The following PANX2 variants were observed in gnomAD, a reference collection of about 807,000 sequenced individuals.
PANX2 encodes pannexin-2.
A neutral mutation model predicts 38.7 loss-of-function variants in PANX2; 30 were observed. The ratio of observed to expected loss-of-function variants is 0.78; its 90% CI spans 0.58 to 1.05. The LOEUF is 1.05. Ranked by LOEUF, PANX2 falls within the 50% of genes least tolerant of loss-of-function variation. The probability of loss-of-function intolerance (pLI) is 0.00; values close to 1 mark genes in which losing one functional copy is unlikely to be tolerated. For synonymous variants in PANX2, 539 were observed against 472.1 expected (o/e 1.14, Z -1.84); for missense variants, 880 against 979.3 (o/e 0.90, Z 1.35).
chr22:50,178,656 G>A (rs1404213733), intron 2 of PANX2, among the ~76,000 whole-genome samples: 1 of 152,212 alleles, frequency 6.6e-6, no homozygotes, highest in Non-Finnish European at 1.5e-5. Context: ...ATGCAGGCTG[G>A]AAGCGACGTG....
intron 1 of PANX2, among the ~76,000 whole-genome samples, chr22:50,171,336 G>A (rs1445523544): frequency 6.6e-6 from 1 of 152,188 alleles, no homozygotes; most frequent in East Asian, 1.9e-4. Flanking sequence ...GATGGGTGTT[G>A]ACAGCAGAGA....
Position 50,178,342 on chromosome 22 carries a change from G to T in PANX2, c.1630G>T (p.Gly544Trp), listed in dbSNP as rs555308306. 5 of 1,498,570 alleles carry T rather than the reference G, an allele frequency of 3.3e-6. No homozygotes were observed. Among genetic ancestry groups the T allele is most frequent in the Middle Eastern group, 2.2e-4 (1 of 4,456 alleles). 92.8% of individuals were successfully genotyped at this position (1,498,570 alleles called of 1,614,324 possible). A position where few individuals can be genotyped will look rare whatever the true frequency, so the allele number is the denominator to read the frequency against. ...AALPASRSQE[G>W]GFLSQAEDCG... Reference sequence around the variant, plus strand: ...CCTGCCCGCCTCCCGGAGCCAGGAGGGGGGCTTCCTGTCCCAGGCGGAGGA... The same window carrying T: ...CCTGCCCGCCTCCCGGAGCCAGGAGTGGGGCTTCCTGTCCCAGGCGGAGGA... Residue 544 changes from glycine to tryptophan, a missense_variant, in exon 2 of 3, where the codon GGG becomes TGG. Gly to Trp is a radical substitution (Grantham distance 184). Around this residue, in one of 4 missense-constraint regions of PANX2, gnomAD observed 445 missense variants for 404.3 expected, o/e 1.10. Transcript: ENST00000395842.
In PANX2 at chr22:50,179,139, C is replaced by G. The variant is rs761654434; in HGVS notation, c.1896C>G (p.Tyr632Ter). Residue 632 changes from tyrosine (Y) to a stop codon, truncating the protein, a stop_gained, in exon 3 of 3, where the codon TAC (tyrosine) becomes TAG (stop). Coordinates refer to ENST00000395842, the MANE Select transcript of PANX2 (RefSeq NM_052839.4). LOFTEE classifies it high-confidence loss of function. ...THPLLHINTLYEAREEEDGGP... is the reference protein window; with the variant it reads ...THPLLHINTL ...CGCTGCTGCACATCAACACGCTGTA[C>G]GAGGCCCGGGAGGAGGAGGACGGGG... 19 of 1,611,940 alleles carry G rather than the reference C, an allele frequency of 1.2e-5. No individual in the cohort carries two copies. Among genetic ancestry groups the G allele is most frequent in the East Asian group, 2.2e-5 (1 of 44,858 alleles).
chr22:50,171,360 G>T (rs1012797097), intron 1 of PANX2, among the ~76,000 whole-genome samples: 1 of 152,192 alleles, frequency 6.6e-6, no homozygotes, highest in Non-Finnish European at 1.5e-5. Context: ...GATTACAGGG[G>T]CTGGTGGAGC....
chr22:50,178,440 G>A (rs2063678420), intron 2 of PANX2, 38 bp downstream of exon 2: 2 of 1,309,280 alleles, frequency 1.5e-6, no homozygotes, highest in Non-Finnish European at 2.0e-6. Context: ...GGGGGACTGG[G>A]GGTGGGAGAG....
chr22:50,171,016 A>C, intron 1 of PANX2, 60 bp downstream of exon 1: 1 of 902,362 alleles, frequency 1.1e-6, no homozygotes, highest in Non-Finnish European at 1.6e-6. Context: ...GGTGTCCGGG[A>C]GCTGGCGCTT....
intron 1 of PANX2, among the ~76,000 whole-genome samples, chr22:50,172,194 G>C (rs2063636099): frequency 6.6e-6 from 1 of 152,220 alleles, no homozygotes; most frequent in Admixed American, 6.5e-5. Context: ...TAGCAACCAA[G>C]TACCGCAAAC....
At chr22:50,173,597 A>T (rs1194563286) in intron 1 of PANX2, among the ~76,000 whole-genome samples, 1 of 152,140 alleles carries the variant, frequency 6.6e-6, no homozygotes, top group Non-Finnish European at 1.5e-5. Context: ...GCCTGCAGAG[A>T]GTGGAGAATG....
Position 50,177,101 on chromosome 22 carries a change from C to A in PANX2, c.389C>A (p.Ala130Asp). ...AAGTTCCTGCCCTACGCGCTGCTGG[C>A]CTTCGCCGCCATCATGTACGTGCCC... ...EHKFLPYALL[A>D]FAAIMYVPAL... The change falls in exon 2 of 3, where the codon GCC becomes GAC. Residue 130 changes from alanine (A) to aspartate (D), a missense_variant. Coordinates refer to ENST00000395842, the MANE Select transcript of PANX2 (RefSeq NM_052839.4). 1 of 1,610,520 alleles carries A rather than the reference C, an allele frequency of 6.2e-7. No individual in the cohort carries two copies. The highest frequency in any genetic ancestry group is 8.5e-7 in the Non-Finnish European group (1 of 1,178,880).
chr22:50,173,098 A>G (rs189407024), intron 1 of PANX2, among the ~76,000 whole-genome samples: 87 of 152,118 alleles, frequency 5.7e-4, no homozygotes, highest in African/African-American at 1.2e-3. Flanking sequence ...GGGTTTTGCC[A>G]TGTTGGCCAG....
chr22:50,179,179 C>G lies in PANX2; in HGVS notation c.1936C>G (p.Gln646Glu). The G allele has an allele frequency of 6.2e-7, 1 of 1,612,640 alleles. No individual in the cohort carries two copies. Among genetic ancestry groups the G allele is most frequent in the Non-Finnish European group, 8.5e-7 (1 of 1,179,890 alleles). ...EEEDGGPRLP[Q>E]DVGDLIAIPA... ...GGAGGACGGGGGCCCCCGCCTGCCGCAGGACGTGGGGGACCTCATCGCCAT... is the reference window on the plus strand; with the variant it reads ...GGAGGACGGGGGCCCCCGCCTGCCGGAGGACGTGGGGGACCTCATCGCCAT... Residue 646 changes from glutamine to glutamate, a missense_variant, in exon 3 of 3, where the codon CAG becomes GAG. By Grantham distance (29) the Gln-to-Glu change is conservative. Around this residue, in one of 4 missense-constraint regions of PANX2, gnomAD observed 445 missense variants for 404.3 expected, o/e 1.10. Coordinates refer to ENST00000395842, the MANE Select transcript of PANX2 (RefSeq NM_052839.4).
chr22:50,178,981 C>G lies in PANX2; in HGVS notation c.1738C>G (p.Arg580Gly), dbSNP rs201587270. 57 of 1,606,048 alleles carry G rather than the reference C, an allele frequency of 3.5e-5. No homozygotes were observed. Among genetic ancestry groups the G allele is most frequent in the Non-Finnish European group, 4.3e-5 (51 of 1,175,920 alleles). Residue 580 changes from arginine to glycine, a missense_variant, in exon 3 of 3, where the codon CGG becomes GGG. Arg to Gly is a moderately radical substitution (Grantham distance 125). Transcript: ENST00000395842. Reference protein sequence around the residue: ...KEIPYPTEPARAGLPSGGPFH... With the variant: ...KEIPYPTEPAGAGLPSGGPFH... ...AATCCCGTACCCCACAGAGCCAGCC[C>G]GGGCAGGGCTTCCCTCGGGGGGCCC...
In PANX2 at chr22:50,179,876, G is replaced by A. The variant is rs572763340; in HGVS notation, c.*599G>A. 33 of 155,440 alleles carry A rather than the reference G, an allele frequency of 2.1e-4. 1 individual carries two copies. Among genetic ancestry groups the A allele is most frequent in the East Asian group, 3.8e-4 (2 of 5,196 alleles). 9.6% of individuals were successfully genotyped at this position (155,440 alleles called of 1,614,324 possible). ...TTTATTTTACTAAGACTGCTGTACC[G>A]AACAAGCATATTTATCATCAGGAGA... On this transcript the variant is annotated 3_prime_UTR_variant, in exon 3 of 3. Transcript: ENST00000395842.
intron 1 of PANX2, among the ~76,000 whole-genome samples, chr22:50,172,122 G>C (rs534008714): frequency 6.6e-6 from 1 of 152,208 alleles, no homozygotes; most frequent in Non-Finnish European, 1.5e-5. Flanking sequence ...GAGCCCAGGC[G>C]TGCGGTGGGG....
intron 1 of PANX2, among the ~76,000 whole-genome samples, chr22:50,176,384 G>C (rs951843131): frequency 1.3e-5 from 2 of 152,228 alleles, no homozygotes; most frequent in Non-Finnish European, 2.9e-5. Flanking sequence ...CCAGTCCCCA[G>C]AACAGTGGGT....
chr22:50,172,836 C>A (rs1025076787), intron 1 of PANX2, among the ~76,000 whole-genome samples: 1 of 151,718 alleles, frequency 6.6e-6, no homozygotes, highest in Non-Finnish European at 1.5e-5. Flanking sequence ...TCAAGCGATT[C>A]TCCTGCTTCA....
chr22:50,175,511 A>G, intron 1 of PANX2: 1 of 1,182,042 alleles, frequency 8.5e-7, no homozygotes, highest in African/African-American at 1.6e-5. Flanking sequence ...TTTCTCAACC[A>G]AGAGAGTGGA....
chr22:50,174,069 C>T (rs967721655), intron 1 of PANX2, among the ~76,000 whole-genome samples: 28 of 152,316 alleles, frequency 1.8e-4, no homozygotes, highest in African/African-American at 6.5e-4. Flanking sequence ...CGGGGAAGGG[C>T]CAGGGCCTGG....
rs939674162 is a variant in PANX2 at position 50,179,607 on chromosome 22, G to T, written c.*330G>T. ...CTGAGGTGAAGAGTTTATTTTTTTA[G>T]TCCGTTTCGTCCTGGCCCCGGGCTG... On this transcript the variant is annotated 3_prime_UTR_variant, in exon 3 of 3. Transcript: ENST00000395842. The T allele has an allele frequency of 3.3e-6, 1 of 299,396 alleles. No homozygotes were observed. Among genetic ancestry groups the T allele is most frequent in the African/African-American group, 2.2e-5 (1 of 44,648 alleles). The allele number at this position is 299,396 out of a possible 1,614,324, so 18.5% of individuals were successfully genotyped here.
Sources: gnomAD v4.1 joint callset for allele counts (sites outside exome capture counted in the v4.1 genomes callset) on GRCh38, gnomAD v4.1.1 for gene constraint, gnomAD v4.1.1 regional missense constraint, MANE v1.5 for transcripts, NCBI Gene and HGNC (gene_info 2026-07-23, HGNC 2026-07-21) for gene names.